Variants in LATS1 observed in about 807,000 individuals in gnomAD.
LATS1 encodes the protein serine/threonine-protein kinase LATS1.
Under a neutral mutation model 106.6 loss-of-function variants are expected in LATS1, and 25 were observed. The observed-to-expected ratio is 0.23, with a 90% CI of 0.17 to 0.33. The LOEUF is 0.33. Among genes scored for constraint, LATS1 ranks in the 10% least tolerant of loss-of-function variants. The pLI is 1.00. For synonymous variants in LATS1, 465 were observed against 455.6 expected, an observed-to-expected ratio of 1.02 and a Z score of -0.26; for missense variants, 1,040 against 1,382.6, an observed-to-expected ratio of 0.75 and a Z score of 3.93.
chr6:149,692,823 C>T (rs928309325), intron 3 of LATS1, among the ~76,000 whole-genome samples: 2 of 151,904 alleles, frequency 1.3e-5, no homozygotes, highest in Non-Finnish European at 2.9e-5. Context: ...TAGAGACACG[C>T]GCCACCACAC....
At chr6:149,665,290 T>A (rs528748909) in intron 7 of LATS1, among the ~76,000 whole-genome samples, 1 of 152,124 alleles carries the variant, frequency 6.6e-6, no homozygotes. Flanking sequence ...TGAACCCAGG[T>A]GGCAGAGGTT....
At position 149,660,779 on chromosome 6, in the gene LATS1, C is replaced by T. The variant is rs1184865347; in HGVS notation, c.*950G>A. On this transcript the variant is annotated 3_prime_UTR_variant, in exon 8 of 8. Coordinates refer to ENST00000543571, the MANE Select transcript of LATS1 (RefSeq NM_004690.4). ...GCTTAGGTAAAATATTGCCAGATAGCCAGATTTTCCTTTGCCAATAACAAT... is the reference window on the plus strand; with the variant it reads ...GCTTAGGTAAAATATTGCCAGATAGTCAGATTTTCCTTTGCCAATAACAAT... 4.5e-6 allele frequency: 1 copy of T among 223,568 alleles called. No homozygotes were observed. The highest frequency in any genetic ancestry group is 2.2e-5 in the African/African-American group (1 of 44,728). 13.8% of individuals were successfully genotyped at this position (223,568 alleles called of 1,614,324 possible).
intron 1 of LATS1, among the ~76,000 whole-genome samples, chr6:149,705,125 T>C (rs909686908): frequency 6.6e-6 from 1 of 151,936 alleles, no homozygotes; most frequent in Non-Finnish European, 1.5e-5. Context: ...TGCCTGAAAA[T>C]TGCACATATT....
intron 4 of LATS1, 36 bp from the exon 5 acceptor site, chr6:149,680,493 C>A: frequency 7.2e-7 from 1 of 1,396,416 alleles, no homozygotes; most frequent in Non-Finnish European, 9.8e-7. Context: ...TAAGAATTAT[C>A]TTCTTCAATA....
Position 149,660,870 on chromosome 6 carries a change from C to T in LATS1, c.*859G>A, listed in dbSNP as rs1208639270. The T allele has an allele frequency of 4.8e-6, 1 of 209,438 alleles. No homozygotes were observed. Among genetic ancestry groups the T allele is most frequent in the Non-Finnish European group, 9.7e-6 (1 of 103,056 alleles). The allele number at this position is 209,438 out of a possible 1,614,324, so 13.0% of individuals were successfully genotyped here. On this transcript the variant is annotated 3_prime_UTR_variant, in exon 8 of 8. Transcript: ENST00000543571. ...ATTGATGATATAATCAAAATAGTTA[C>T]TATACAGGAAAAGTATATGAAAATT...
intron 5 of LATS1, among the ~76,000 whole-genome samples, chr6:149,679,412 C>T (rs1254328313): frequency 1.3e-5 from 2 of 151,672 alleles, no homozygotes; most frequent in South Asian, 2.1e-4. Context: ...ATTAGCCGGG[C>T]GTACTGGCAG....
intron 4 of LATS1, among the ~76,000 whole-genome samples, chr6:149,682,068 C>T (rs867098558): frequency 2.7e-5 from 4 of 149,376 alleles, no homozygotes; most frequent in East Asian, 2.0e-4. Context: ...GCTGAGATGG[C>T]GCCACTGCAC....
chr6:149,710,205 C>G (rs1291523353), intron 1 of LATS1, among the ~76,000 whole-genome samples: 1 of 152,150 alleles, frequency 6.6e-6, no homozygotes, highest in Non-Finnish European at 1.5e-5. Context: ...AGTCTGATCA[C>G]CTTGGGCACA....
intron 2 of LATS1, among the ~76,000 whole-genome samples, chr6:149,700,427 C>A (rs1191342135): frequency 6.6e-6 from 1 of 152,058 alleles, no homozygotes; most frequent in Non-Finnish European, 1.5e-5. Context: ...GAGCTGAGAT[C>A]GCACCACTGC....
In LATS1 at chr6:149,691,096, C is replaced by T. The variant is rs146762162; in HGVS notation, c.496+3978G>A. On this transcript the variant is annotated intron_variant, in intron 3 of 7. Coordinates refer to ENST00000543571, the MANE Select transcript of LATS1 (RefSeq NM_004690.4). Reference sequence around the variant, plus strand: ...ATGACAAGTTACCTCATTTGCTGAACCCCCAATCCATATGCTGAAGTCCTA... The same window carrying T: ...ATGACAAGTTACCTCATTTGCTGAATCCCCAATCCATATGCTGAAGTCCTA... Among the ~76,000 whole-genome samples, 8 of 152,198 alleles carry T rather than the reference C, an allele frequency of 5.3e-5. No individual in the cohort carries two copies. The East Asian group carries it at 1.4e-3, about 26-fold the overall frequency.
intron 7 of LATS1, among the ~76,000 whole-genome samples, chr6:149,672,212 TTTTC>T (rs967417492): frequency 5.4e-5 from 8 of 148,482 alleles, no homozygotes; most frequent in Non-Finnish European, 1.2e-4. Context: ...ATTTCTTTTC[TTTTC>T]TTTTTTTTTT....
At position 149,684,646 on chromosome 6, in the gene LATS1, T is replaced by C. The variant is rs1582879323; in HGVS notation, c.497-54A>G. ...AAAGAATCATGTTTTTAACCTCTAA[T>C]TTTTGAAAACCTTAGCTTGCAATTC... is the stretch of plus-strand genomic sequence containing the variant. On this transcript the variant is annotated intron_variant, in intron 3 of 7. Transcript: ENST00000543571. 22 of 1,350,780 alleles carry C rather than the reference T, an allele frequency of 1.6e-5. No homozygotes were observed. The East Asian group carries it at 4.9e-4, about 30-fold the overall frequency. 83.7% of individuals were successfully genotyped at this position (1,350,780 alleles called of 1,614,324 possible).
chr6:149,694,095 A>C (rs537376494), intron 3 of LATS1, among the ~76,000 whole-genome samples: 1 of 152,302 alleles, frequency 6.6e-6, no homozygotes, highest in South Asian at 2.1e-4. Flanking sequence ...ATCTCAAAAA[A>C]ATAAAAAAAT....
At chr6:149,709,751 C>G (rs1050218216) in intron 1 of LATS1, among the ~76,000 whole-genome samples, 1 of 146,626 alleles carries the variant, frequency 6.8e-6, no homozygotes, top group Non-Finnish European at 1.5e-5. Flanking sequence ...TCTTGGCTCA[C>G]CACAATCTCC....
intron 5 of LATS1, among the ~76,000 whole-genome samples, chr6:149,677,617 G>A (rs1781794650): frequency 6.6e-6 from 1 of 152,160 alleles, no homozygotes; most frequent in Non-Finnish European, 1.5e-5. Flanking sequence ...TAGCCAGGAA[G>A]CAGCTGGATA....
At chr6:149,697,304 A>G in intron 2 of LATS1, 1 of 485,768 alleles carries the variant, frequency 2.1e-6, no homozygotes, top group Non-Finnish European at 3.7e-6. Flanking sequence ...ATTTTGTTGG[A>G]AGCAGCAAGG....
chr6:149,704,922 ACACAC>A lies in LATS1; in HGVS notation c.-140-2661_-140-2657del, dbSNP rs1282616923. ...CACACACACACACACACACACACAC[ACACAC>A]AATTTGCAGCAGGCCTGAGACATGA... is the stretch of plus-strand genomic sequence containing the variant. On this transcript the variant is annotated intron_variant, in intron 1 of 7. Coordinates refer to ENST00000543571, the MANE Select transcript of LATS1 (RefSeq NM_004690.4). 4.0e-5 allele frequency among the ~76,000 whole-genome samples: 6 copies of A among 151,444 alleles called. No individual in the cohort carries two copies. The East Asian group carries it at 5.8e-4, about 15-fold the overall frequency.
chr6:149,699,803 G>A (rs1783346998), intron 2 of LATS1, among the ~76,000 whole-genome samples: 1 of 152,154 alleles, frequency 6.6e-6, no homozygotes, highest in South Asian at 2.1e-4. Flanking sequence ...TGGGTGGGGT[G>A]CACACATAGT....
At chr6:149,698,216 A>T (rs1411217994) in intron 2 of LATS1, among the ~76,000 whole-genome samples, 1 of 151,382 alleles carries the variant, frequency 6.6e-6, no homozygotes, top group Non-Finnish European at 1.5e-5. Context: ...GAACGCTCAA[A>T]TCAGTAACTT....
Sources: gnomAD v4.1 joint callset for allele counts (sites outside exome capture counted in the v4.1 genomes callset) on GRCh38, gnomAD v4.1.1 for gene constraint, MANE v1.5 for transcripts, NCBI Gene and HGNC (gene_info 2026-07-23, HGNC 2026-07-21) for gene names.